Variants in SLC11A2 observed in about 807,000 individuals in gnomAD.
SLC11A2 encodes natural resistance-associated macrophage protein 2.
In SLC11A2, 38 loss-of-function variants were observed where a neutral mutation model predicts 68.0. The ratio of observed to expected loss-of-function variants is 0.56; its 90% CI spans 0.43 to 0.73. The LOEUF is 0.73. SLC11A2 is among the 30% of genes least tolerant of loss of function. SLC11A2 has a pLI of 0.00. For missense variants in SLC11A2, 517 were observed against 690.5 expected, an observed-to-expected ratio of 0.75 and a Z score of 2.82; for synonymous variants, 242 against 250.6, an observed-to-expected ratio of 0.97 and a Z score of 0.32.
chr12:50,977,317 A>G (rs1303119825), downstream of SLC11A2, among the ~76,000 whole-genome samples: 1 of 152,234 alleles, frequency 6.6e-6, no homozygotes, highest in Non-Finnish European at 1.5e-5. Context: ...AATGGAACAG[A>G]ACAGAGCCCT....
At position 50,987,885 on chromosome 12, in the gene SLC11A2, T is replaced by A. The variant is rs1484606889; in HGVS notation, c.*440A>T. ...ACTGAAAAGGTAGGTATAAGGAAAATTTCTCAGCCTTTAAAAATCCATTAC... is the reference window on the plus strand; with the variant it reads ...ACTGAAAAGGTAGGTATAAGGAAAAATTCTCAGCCTTTAAAAATCCATTAC... On this transcript the variant is annotated 3_prime_UTR_variant, in exon 16 of 16. Coordinates refer to ENST00000262052, the MANE Select transcript of SLC11A2 (RefSeq NM_000617.3). 1.6e-6 allele frequency: 2 copies of A among 1,269,824 alleles called. No individual in the cohort carries two copies. Among genetic ancestry groups the A allele is most frequent in the Non-Finnish European group, 2.0e-6 (2 of 979,170 alleles). 78.7% of individuals were successfully genotyped at this position (1,269,824 alleles called of 1,614,324 possible).
the SLC11A2 span, among the ~76,000 whole-genome samples, chr12:50,958,755 G>T: frequency 6.6e-6 from 1 of 150,684 alleles, no homozygotes; most frequent in African/African-American, 2.4e-5. Context: ...AGTGGCTTAC[G>T]CCTGTAATCC....
At chr12:51,026,450 AGTCC>A, upstream of SLC11A2, 1 of 879,040 alleles carries the variant, frequency 1.1e-6, no homozygotes, top group Non-Finnish European at 1.6e-6. Flanking sequence ...TATTGGCTGG[AGTCC>A]CTGCAGCGGC....
chr12:51,021,454 C>T (rs1295039488), intron 1 of SLC11A2, among the ~76,000 whole-genome samples: 1 of 152,108 alleles, frequency 6.6e-6, no homozygotes, highest in Non-Finnish European at 1.5e-5. Flanking sequence ...GGCAAAACCC[C>T]ATCTCTACTA....
Position 50,986,819 on chromosome 12 carries a change from T to C in SLC11A2, c.*1506A>G. On this transcript the variant is annotated 3_prime_UTR_variant, in exon 16 of 16. Coordinates refer to ENST00000262052, the MANE Select transcript of SLC11A2 (RefSeq NM_000617.3). ...CAGTAGTGTACCCTTAAATGCCTTA[T>C]AAAAGACCATCCATCCAGTCTGCGC... is the stretch of plus-strand genomic sequence containing the variant. 6 of 1,287,208 alleles carry C rather than the reference T, an allele frequency of 4.7e-6. No individual in the cohort carries two copies. The highest frequency in any genetic ancestry group is 6.5e-4 in the Middle Eastern group (2 of 3,064). 79.7% of individuals were successfully genotyped at this position (1,287,208 alleles called of 1,614,324 possible).
intron 15 of SLC11A2, among the ~76,000 whole-genome samples, chr12:50,990,424 G>C (rs545445186): frequency 2.0e-5 from 3 of 152,210 alleles, no homozygotes; most frequent in Non-Finnish European, 4.4e-5. Context: ...GGAAACTACA[G>C]AAGTGACAGA....
chr12:51,004,818 A>C lies in SLC11A2; in HGVS notation c.399T>G (p.Leu133=), dbSNP rs371802864. The part of the protein sequence containing the change: ...ARLGVVTGLH[L]AEVCHRQYPK... ...GATACTGACGGTGACATACTTCAGC[A>C]AGATGCAGCCCAGTAACCACTCCCA... The change falls in exon 5 of 16, where the codon CTT becomes CTG. Residue 133 remains leucine (L), a synonymous_variant. Coordinates refer to ENST00000262052, the MANE Select transcript of SLC11A2 (RefSeq NM_000617.3). 1 of 1,614,104 alleles carries C rather than the reference A, an allele frequency of 6.2e-7. No individual in the cohort carries two copies. Among genetic ancestry groups the C allele is most frequent in the South Asian group, 1.1e-5 (1 of 91,072 alleles).
At chr12:51,009,159 CA>C (rs1566022436) in intron 2 of SLC11A2, 3 of 1,496,010 alleles carry the variant, frequency 2.0e-6, no homozygotes, top group South Asian at 1.3e-5. Flanking sequence ...TCAGACTTCT[CA>C]AAAAATGTGC....
the SLC11A2 span, among the ~76,000 whole-genome samples, chr12:50,952,912 T>C: frequency 0.018 from 2,807 of 152,236 alleles, 78 homozygotes; most frequent in African/African-American, 0.064. Flanking sequence ...AGTCAGGTAC[T>C]AAGACTCAAC....
At chr12:50,978,546 A>T (rs1939884019), downstream of SLC11A2, among the ~76,000 whole-genome samples, 1 of 150,620 alleles carries the variant, frequency 6.6e-6, no homozygotes. Context: ...AATGTAAATG[A>T]CGAGTTAATG....
intron 1 of SLC11A2, among the ~76,000 whole-genome samples, chr12:51,019,296 G>A (rs899655321): frequency 3.3e-5 from 5 of 152,252 alleles, no homozygotes; most frequent in South Asian, 4.1e-4. Context: ...AAATGAAAAG[G>A]TTTCTAGATT....
downstream of SLC11A2, among the ~76,000 whole-genome samples, chr12:50,982,319 A>C (rs1411865490): frequency 6.6e-6 from 1 of 152,182 alleles, no homozygotes; most frequent in African/African-American, 2.4e-5. Context: ...AGAATCACCG[A>C]AGCTGCTTTT....
intron 5 of SLC11A2, among the ~76,000 whole-genome samples, chr12:51,001,686 T>A: frequency 6.9e-6 from 1 of 145,958 alleles, no homozygotes; most frequent in African/African-American, 2.5e-5. Context: ...AGTACAAAAG[T>A]ATCCAGGCAT....
upstream of SLC11A2, among the ~76,000 whole-genome samples, chr12:51,026,787 T>G (rs1170422009): frequency 6.6e-6 from 1 of 152,042 alleles, no homozygotes; most frequent in Non-Finnish European, 1.5e-5. Context: ...GCCCAGCACT[T>G]TGGGAGACCG....
intron 1 of SLC11A2, among the ~76,000 whole-genome samples, chr12:51,015,124 C>T (rs972006654): frequency 6.7e-6 from 1 of 148,552 alleles, no homozygotes; most frequent in Non-Finnish European, 1.5e-5. Flanking sequence ...TGCACCACTG[C>T]ACTCCAGCCT....
At position 51,026,353 on chromosome 12, in the gene SLC11A2, G is replaced by C; in HGVS notation, c.-82C>G. 4 of 1,282,230 alleles carry C rather than the reference G, an allele frequency of 3.1e-6. No homozygotes were observed. The highest frequency in any genetic ancestry group is 4.1e-6 in the Non-Finnish European group (4 of 984,688). 79.4% of individuals were successfully genotyped at this position (1,282,230 alleles called of 1,614,324 possible). On this transcript the variant is annotated 5_prime_UTR_variant, in exon 1 of 16. Coordinates refer to ENST00000262052, the MANE Select transcript of SLC11A2 (RefSeq NM_000617.3). ...ACCTGACACGCCGCCCCCGCGCCCAGGGCTCCATATTCCGGGAGCCAGCGC... is the reference window on the plus strand; with the variant it reads ...ACCTGACACGCCGCCCCCGCGCCCACGGCTCCATATTCCGGGAGCCAGCGC...
the SLC11A2 span, among the ~76,000 whole-genome samples, chr12:50,972,999 C>G: frequency 1.1e-4 from 16 of 152,184 alleles, no homozygotes; most frequent in African/African-American, 3.9e-4. Context: ...CTGCAAAGCT[C>G]GAACTGGGTG....
At chr12:50,977,583 T>A (rs1283725687), downstream of SLC11A2, among the ~76,000 whole-genome samples, 1 of 152,170 alleles carries the variant, frequency 6.6e-6, no homozygotes, top group Non-Finnish European at 1.5e-5. Context: ...GACATAGGCA[T>A]GGGCAAGGAC....
chr12:50,993,131 C>T (rs1941339980), intron 11 of SLC11A2: 1 of 605,466 alleles, frequency 1.7e-6, no homozygotes, highest in South Asian at 1.8e-5. Flanking sequence ...CTGGATGCTC[C>T]TTCGTTTCTC....
Sources: gnomAD v4.1 joint callset for allele counts (sites outside exome capture counted in the v4.1 genomes callset) on GRCh38, gnomAD v4.1.1 for gene constraint, MANE v1.5 for transcripts, NCBI Gene and HGNC (gene_info 2026-07-23, HGNC 2026-07-21) for gene names.